Variants in ERC1 observed in about 807,000 individuals in gnomAD.
ERC1 encodes the protein RAB6 interacting protein 2.
ERC1 carries 56 observed loss-of-function variants against 132.0 expected under a neutral mutation model. The observed-to-expected ratio is 0.42, with a 90% CI of 0.34 to 0.53. ERC1 has a LOEUF of 0.53. Ranked by LOEUF, ERC1 falls within the 20% of genes least tolerant of loss-of-function variation. The probability of loss-of-function intolerance (pLI) is 0.03; values close to 1 mark genes in which losing one functional copy is unlikely to be tolerated. For synonymous variants in ERC1, 478 were observed against 476.1 expected, an observed-to-expected ratio of 1.00 and a Z score of -0.05; for missense variants, 1,202 against 1,349.9, an observed-to-expected ratio of 0.89 and a Z score of 1.72.
chr12:1,055,651 G>A (rs1972813745), intron 2 of ERC1, among the ~76,000 whole-genome samples: 2 of 152,178 alleles, frequency 1.3e-5, no homozygotes, highest in African/African-American at 4.8e-5. Context: ...ATATATGTAT[G>A]TATACAATGA....
rs369156996 is a variant in ERC1, at chr12:1,333,436, G to A, written c.2781-38397G>A. ...CAATCTCTGCCTCCCAGGTTCAAGC[G>A]ATTCTCCTGCCTCAGCCTCCCGAGT... On this transcript the variant is annotated intron_variant, in intron 15 of 18. Transcript: ENST00000360905. 2.4e-4 allele frequency among the ~76,000 whole-genome samples: 36 copies of A among 149,158 alleles called. No individual in the cohort carries two copies. The East Asian group carries it at 2.8e-3, about 12-fold the overall frequency.
At chr12:1,452,424 T>G (rs1037694945) in intron 18 of ERC1, among the ~76,000 whole-genome samples, 10 of 152,316 alleles carry the variant, frequency 6.6e-5, no homozygotes, top group Non-Finnish European at 1.5e-4. Context: ...TTTTTCTGTA[T>G]ATCTATCTTG....
At chr12:1,266,886 A>G (rs542049313) in intron 14 of ERC1, among the ~76,000 whole-genome samples, 10 of 152,350 alleles carry the variant, frequency 6.6e-5, no homozygotes, top group African/African-American at 2.4e-4. Flanking sequence ...TCTGGGAAAG[A>G]ATGACTTTTT....
At chr12:1,301,318 CACTT>C (rs2080381522) in intron 15 of ERC1, among the ~76,000 whole-genome samples, 1 of 152,128 alleles carries the variant, frequency 6.6e-6, no homozygotes, top group Non-Finnish European at 1.5e-5. Flanking sequence ...AACAAAAAAA[CACTT>C]AAACCCCAAA....
Position 1,233,662 on chromosome 12 carries a change from C to T in ERC1, c.2352-3107C>T, listed in dbSNP as rs544930900. 1.3e-4 allele frequency among the ~76,000 whole-genome samples: 20 copies of T among 151,836 alleles called. No homozygotes were observed. In the South Asian group the frequency reaches 3.7e-3, roughly 28 times the overall value. On this transcript the variant is annotated intron_variant, in intron 12 of 18. Transcript: ENST00000360905. Reference sequence around the variant, plus strand: ...ACAAAAAGCAAGAGATATAGAGAAACAAGTTGAATTTCATCATGAAGAAGC... The same window carrying T: ...ACAAAAAGCAAGAGATATAGAGAAATAAGTTGAATTTCATCATGAAGAAGC...
chr12:1,345,184 C>CTTATTTTTTTTT (rs1459899471), intron 15 of ERC1, among the ~76,000 whole-genome samples: 1 of 99,620 alleles, frequency 1.0e-5, no homozygotes, highest in African/African-American at 4.4e-5. Context: ...TAGAATATTT[C>CTTATTTTTTTTT]TTCTTTTTTT....
At chr12:1,139,109 T>TA (rs1355138921) in intron 7 of ERC1, among the ~76,000 whole-genome samples, 1 of 152,220 alleles carries the variant, frequency 6.6e-6, no homozygotes, top group East Asian at 1.9e-4. Context: ...TGGTTTCTGT[T>TA]ACCTGTGGTC....
chr12:1,013,187 A>G (rs1167029712), intron 1 of ERC1, among the ~76,000 whole-genome samples: 2 of 152,176 alleles, frequency 1.3e-5, no homozygotes, highest in Non-Finnish European at 2.9e-5. Flanking sequence ...TCAGGTTATC[A>G]GTGAGCACTA....
In ERC1 at chr12:1,491,225, G is replaced by A. The variant is rs984655002; in HGVS notation, c.*995G>A. Reference sequence around the variant, plus strand: ...GAGGCTGCCTGCCTTGCCAGCACCCGTGTCCTGAGCTCCTGCAGCCCAGTG... The same window carrying A: ...GAGGCTGCCTGCCTTGCCAGCACCCATGTCCTGAGCTCCTGCAGCCCAGTG... On this transcript the variant is annotated 3_prime_UTR_variant, in exon 19 of 19. Coordinates refer to ENST00000360905, the MANE Select transcript of ERC1 (RefSeq NM_178040.4). The A allele has an allele frequency of 7.4e-5, 17 of 231,176 alleles. No individual in the cohort carries two copies. Among genetic ancestry groups the A allele is most frequent in the African/African-American group, 2.4e-4 (11 of 45,234 alleles). The allele number at this position is 231,176 out of a possible 1,614,324, so 14.3% of individuals were successfully genotyped here.
At chr12:1,029,111 T>C (rs1414087000) in intron 2 of ERC1, among the ~76,000 whole-genome samples, 1 of 152,156 alleles carries the variant, frequency 6.6e-6, no homozygotes, top group East Asian at 1.9e-4. Context: ...TCCCAGCACT[T>C]GGGAGGCCGA....
rs763553803 is a variant in ERC1 at position 1,490,100 on chromosome 12, A to G, written c.3221A>G (p.Asp1074Gly). The G allele has an allele frequency of 6.2e-7, 1 of 1,613,666 alleles. No individual in the cohort carries two copies. The highest frequency in any genetic ancestry group is 1.3e-5 in the African/African-American group (1 of 75,010). ...CTCTCCTTTCCCTTTCAGCTTCAGG[A>G]TGAGTTAGAGAAAGGTGAACGGGAC... The part of the protein sequence containing the change: ...LQKMTRGQLQ[D>G]ELEKGERDNA... The change falls in exon 19 of 19, where the codon GAT becomes GGT. Residue 1074 changes from aspartate to glycine, a missense_variant. Transcript: ENST00000360905.
At chr12:1,081,598 C>T (rs1413812883) in intron 2 of ERC1, among the ~76,000 whole-genome samples, 3 of 152,272 alleles carry the variant, frequency 2.0e-5, no homozygotes, top group Non-Finnish European at 4.4e-5. Flanking sequence ...CTCTCTAAGC[C>T]TCGTGCCCTC....
rs1246749220 is a variant in ERC1, at chr12:1,121,781, C to G, written c.1569+5748C>G. On this transcript the variant is annotated intron_variant, in intron 7 of 18. Transcript: ENST00000360905. ...TATCTCTATCTATCTCTATCTCTAT[C>G]TATCTCTATCTCTATCTCTATCTCT... 5.9e-4 allele frequency among the ~76,000 whole-genome samples: 4 copies of G among 6,750 alleles called. 2 individuals are homozygous for G. Among genetic ancestry groups the G allele is most frequent in the Non-Finnish European group, 3.2e-3 (4 of 1,268 alleles). 4.4% of individuals were successfully genotyped at this position (6,750 alleles called of 152,430 possible).
At chr12:1,436,359 A>G (rs2092948791) in intron 17 of ERC1, among the ~76,000 whole-genome samples, 1 of 152,152 alleles carries the variant, frequency 6.6e-6, no homozygotes, top group Non-Finnish European at 1.5e-5. Context: ...GGAGCCGGTA[A>G]ATGTGTTCCT....
intron 8 of ERC1, among the ~76,000 whole-genome samples, chr12:1,173,461 C>T (rs1953309755): frequency 1.3e-5 from 2 of 152,118 alleles, no homozygotes; most frequent in African/African-American, 2.4e-5. Flanking sequence ...ATATTCCGAG[C>T]ATATTTAAAA....
intron 15 of ERC1, among the ~76,000 whole-genome samples, chr12:1,363,883 T>C (rs1159809781): frequency 6.6e-6 from 1 of 152,198 alleles, no homozygotes; most frequent in East Asian, 1.9e-4. Flanking sequence ...TGTAGGTCAG[T>C]TCCTTTCCCT....
chr12:1,478,845 C>T (rs2094029305), intron 18 of ERC1, among the ~76,000 whole-genome samples: 1 of 151,494 alleles, frequency 6.6e-6, no homozygotes, highest in South Asian at 2.1e-4. Flanking sequence ...AATGTAGATC[C>T]AGTTTATCAA....
At chr12:1,022,164 TC>T (rs1209442260) in intron 1 of ERC1, among the ~76,000 whole-genome samples, 3 of 152,138 alleles carry the variant, frequency 2.0e-5, no homozygotes, top group Admixed American at 2.0e-4. Flanking sequence ...CAATCCTACT[TC>T]CTTGGTCTCC....
intron 3 of ERC1, among the ~76,000 whole-genome samples, chr12:1,095,488 A>G (rs1189394047): frequency 6.6e-6 from 1 of 152,180 alleles, no homozygotes; most frequent in Non-Finnish European, 1.5e-5. Context: ...GAAAATGAAC[A>G]TATTTTTTAT....
Sources: allele counts gnomAD v4.1 joint callset (sites outside exome capture counted in the v4.1 genomes callset), GRCh38; gene constraint gnomAD v4.1.1; transcripts MANE v1.5; gene names NCBI Gene and HGNC (gene_info 2026-07-23, HGNC 2026-07-21).